The following SLC25A21 variants were observed in gnomAD, a reference collection of about 807,000 sequenced individuals.
SLC25A21 encodes the protein solute carrier family 25 member 21.
Under a neutral mutation model 43.8 loss-of-function variants are expected in SLC25A21, and 47 were observed. The ratio of observed to expected loss-of-function variants is 1.07; its 90% CI spans 0.85 to 1.37. The LOEUF is 1.37. Ranked by LOEUF, SLC25A21 falls within the 40% of genes most tolerant of loss-of-function variation. The probability of loss-of-function intolerance (pLI) is 0.00; values close to 1 mark genes in which losing one functional copy is unlikely to be tolerated. For synonymous variants in SLC25A21, 131 were observed against 121.3 expected, an observed-to-expected ratio of 1.08 and a Z score of -0.52; for missense variants, 352 against 350.2, an observed-to-expected ratio of 1.00 and a Z score of -0.04.
At chr14:36,966,398 A>T (rs1270338664) in intron 1 of SLC25A21, among the ~76,000 whole-genome samples, 1 of 152,216 alleles carries the variant, frequency 6.6e-6, no homozygotes, top group Non-Finnish European at 1.5e-5. Context: ...TGAGGTGATC[A>T]GTGGAATTGT....
chr14:36,905,722 T>A (rs1470704505), intron 1 of SLC25A21, among the ~76,000 whole-genome samples: 1 of 151,950 alleles, frequency 6.6e-6, no homozygotes, highest in African/African-American at 2.4e-5. Context: ...GCTAGCAACA[T>A]AAAAAGCAGC....
At chr14:37,096,617 C>CT (rs1962699411) in intron 1 of SLC25A21, among the ~76,000 whole-genome samples, 1 of 151,998 alleles carries the variant, frequency 6.6e-6, no homozygotes. Flanking sequence ...CTCAGTAATT[C>CT]TTTTTTTCTG....
chr14:36,969,439 A>C (rs2138684378), intron 1 of SLC25A21, among the ~76,000 whole-genome samples: 1 of 152,266 alleles, frequency 6.6e-6, no homozygotes. Flanking sequence ...TTTGCTGTCA[A>C]CTGAGCTGAG....
chr14:37,112,968 A>C (rs1963045247), intron 1 of SLC25A21, among the ~76,000 whole-genome samples: 1 of 152,190 alleles, frequency 6.6e-6, no homozygotes, highest in South Asian at 2.1e-4. Context: ...GAAACAAAAA[A>C]AAAATCGGAA....
chr14:37,133,148 C>G (rs567652110), intron 1 of SLC25A21, among the ~76,000 whole-genome samples: 2 of 148,358 alleles, frequency 1.3e-5, no homozygotes, highest in Non-Finnish European at 3.0e-5. Context: ...CTCGTGCACA[C>G]ACACACACAC....
chr14:37,152,806 T>C (rs1178045580), intron 1 of SLC25A21, among the ~76,000 whole-genome samples: 3 of 151,874 alleles, frequency 2.0e-5, no homozygotes, highest in Non-Finnish European at 4.4e-5. Context: ...AAAGGGAAAG[T>C]GGAGACAATA....
chr14:36,705,708 G>A (rs1417862394), intron 7 of SLC25A21, among the ~76,000 whole-genome samples: 4 of 152,048 alleles, frequency 2.6e-5, no homozygotes, highest in Admixed American at 6.6e-5. Flanking sequence ...GAAAAACACT[G>A]TAAGACATTT....
rs1235173526 is a variant in SLC25A21, at chr14:36,683,858, G to T, written c.808C>A (p.Leu270Met). 1 of 1,607,080 alleles carries T rather than the reference G, an allele frequency of 6.2e-7. No individual in the cohort carries two copies. The highest frequency in any genetic ancestry group is 1.1e-5 in the South Asian group (1 of 89,526). The change falls in exon 9 of 10, where the codon CTG (leucine) becomes ATG (methionine). Residue 270 changes from leucine (L) to methionine (M), a missense_variant. Coordinates refer to ENST00000331299, the MANE Select transcript of SLC25A21 (RefSeq NM_030631.4). ...CCAAGTCTCATAATCTTGGGAAGCAGGCCTTTGTACAAAGCTAAAATCCTG... is the reference window on the plus strand; with the variant it reads ...CCAAGTCTCATAATCTTGGGAAGCATGCCTTTGTACAAAGCTAAAATCCTG... ...EEGILALYKG[L>M]LPKIMRLGPG...
chr14:36,689,602 C>T (rs1193029286), intron 7 of SLC25A21, among the ~76,000 whole-genome samples: 1 of 152,158 alleles, frequency 6.6e-6, no homozygotes, highest in Non-Finnish European at 1.5e-5. Flanking sequence ...AAATGATTTC[C>T]ACACACATTC....
chr14:36,682,582 A>C (rs1316238787), intron 9 of SLC25A21, among the ~76,000 whole-genome samples: 1 of 152,034 alleles, frequency 6.6e-6, no homozygotes, highest in Non-Finnish European at 1.5e-5. Flanking sequence ...TCCCTTTCTG[A>C]GAATGTTGGT....
At chr14:36,854,217 C>A (rs943649329) in intron 2 of SLC25A21, among the ~76,000 whole-genome samples, 2 of 152,144 alleles carry the variant, frequency 1.3e-5, no homozygotes, top group Middle Eastern at 3.2e-3. Context: ...AAATGTAAAA[C>A]GTGCATATGA....
intron 1 of SLC25A21, among the ~76,000 whole-genome samples, chr14:37,080,012 C>T (rs1355698782): frequency 6.6e-6 from 1 of 152,126 alleles, no homozygotes; most frequent in Non-Finnish European, 1.5e-5. Flanking sequence ...AAGCTGCCAT[C>T]TATTAGCCAG....
intron 1 of SLC25A21, among the ~76,000 whole-genome samples, chr14:36,923,912 G>C (rs545424966): frequency 2.6e-5 from 4 of 152,256 alleles, no homozygotes; most frequent in African/African-American, 9.6e-5. Context: ...GCAGCCAACA[G>C]ACACATGAAA....
chr14:36,862,607 C>T (rs1890101456), intron 2 of SLC25A21, among the ~76,000 whole-genome samples: 1 of 149,008 alleles, frequency 6.7e-6, no homozygotes, highest in Admixed American at 6.7e-5. Context: ...TGGGGCCTTT[C>T]AGGGGCTGTG....
At chr14:36,917,609 C>A (rs556668463) in intron 1 of SLC25A21, among the ~76,000 whole-genome samples, 1 of 152,092 alleles carries the variant, frequency 6.6e-6, no homozygotes, top group African/African-American at 2.4e-5. Flanking sequence ...GTAAACAGAA[C>A]AATTGAGCCA....
At chr14:36,710,814 T>A (rs556080939) in intron 7 of SLC25A21, among the ~76,000 whole-genome samples, 1 of 152,286 alleles carries the variant, frequency 6.6e-6, no homozygotes, top group African/African-American at 2.4e-5. Context: ...AGCAAATGAT[T>A]CTAGAAGAAT....
At chr14:37,071,692 G>C (rs1278881954) in intron 1 of SLC25A21, among the ~76,000 whole-genome samples, 1 of 152,142 alleles carries the variant, frequency 6.6e-6, no homozygotes, top group African/African-American at 2.4e-5. Context: ...ACTCAAGACA[G>C]ACTAGAAAAA....
intron 5 of SLC25A21, among the ~76,000 whole-genome samples, chr14:36,727,573 A>G (rs1352137775): frequency 1.3e-5 from 2 of 152,226 alleles, no homozygotes; most frequent in East Asian, 3.9e-4. Context: ...CTGTAATCCC[A>G]GCTTCTGGGG....
At chr14:36,795,070 C>A (rs148026823) in intron 3 of SLC25A21, among the ~76,000 whole-genome samples, 2 of 151,926 alleles carry the variant, frequency 1.3e-5, no homozygotes, top group Non-Finnish European at 2.9e-5. Flanking sequence ...CCCAGACCAC[C>A]CTAATAAGAG....
Sources: gnomAD v4.1 joint callset for allele counts (sites outside exome capture counted in the v4.1 genomes callset) on GRCh38, gnomAD v4.1.1 for gene constraint, MANE v1.5 for transcripts, NCBI Gene and HGNC (gene_info 2026-07-23, HGNC 2026-07-21) for gene names.